The following C1QTNF7 variants were observed in gnomAD, a reference collection of about 807,000 sequenced individuals.
The protein encoded by C1QTNF7 is complement C1q tumor necrosis factor-related protein 7.
In C1QTNF7, 15 loss-of-function variants were observed where a neutral mutation model predicts 19.6. The ratio of observed to expected loss-of-function variants is 0.76; its 90% CI spans 0.51 to 1.18. The LOEUF is 1.18. Ranked by LOEUF, C1QTNF7 falls within the 50% of genes most tolerant of loss-of-function variation. The probability of loss-of-function intolerance (pLI) is 0.00; values close to 1 mark genes in which losing one functional copy is unlikely to be tolerated. For missense variants in C1QTNF7, 324 were observed against 359.7 expected, an observed-to-expected ratio of 0.90 and a Z score of 0.80; for synonymous variants, 142 against 137.5, an observed-to-expected ratio of 1.03 and a Z score of -0.23.
intron 1 of C1QTNF7, among the ~76,000 whole-genome samples, chr4:15,420,604 T>A (rs1200936110): frequency 6.6e-6 from 1 of 152,206 alleles, no homozygotes; most frequent in East Asian, 1.9e-4. Flanking sequence ...CATTTGGATA[T>A]TTTTAAAATT....
chr4:15,361,800 C>T (rs984793498), intron 1 of C1QTNF7, among the ~76,000 whole-genome samples: 3 of 152,156 alleles, frequency 2.0e-5, no homozygotes, highest in Non-Finnish European at 4.4e-5. Flanking sequence ...AGAGGCATTG[C>T]TATGTATGAG....
intron 1 of C1QTNF7, among the ~76,000 whole-genome samples, chr4:15,434,043 T>C (rs1000248594): frequency 2.0e-5 from 3 of 152,212 alleles, no homozygotes; most frequent in Non-Finnish European, 4.4e-5. Flanking sequence ...TTGAATGCAC[T>C]GGGCTTGTCA....
chr4:15,393,126 A>G (rs1464846462), intron 1 of C1QTNF7, among the ~76,000 whole-genome samples: 1 of 152,186 alleles, frequency 6.6e-6, no homozygotes, highest in Non-Finnish European at 1.5e-5. Flanking sequence ...TGGTTTTATA[A>G]GGGGAAATCT....
upstream of C1QTNF7, among the ~76,000 whole-genome samples, chr4:15,424,343 A>G (rs972557583): frequency 6.6e-6 from 1 of 152,200 alleles, no homozygotes; most frequent in Non-Finnish European, 1.5e-5. Context: ...TAGAATAATC[A>G]GGAAAAAAGT....
At chr4:15,388,792 CA>C (rs1718442647) in intron 1 of C1QTNF7, among the ~76,000 whole-genome samples, 1 of 152,138 alleles carries the variant, frequency 6.6e-6, no homozygotes, top group Non-Finnish European at 1.5e-5. Context: ...GAGAAAGTGA[CA>C]GGGGATCAGG....
intron 1 of C1QTNF7, among the ~76,000 whole-genome samples, chr4:15,398,677 G>A (rs986318671): frequency 4.7e-4 from 71 of 152,336 alleles, no homozygotes; most frequent in African/African-American, 1.7e-3. Flanking sequence ...AATCTGTAGG[G>A]TCTGCAGCAA....
At chr4:15,430,998 G>C (rs1712278335) in intron 1 of C1QTNF7, among the ~76,000 whole-genome samples, 1 of 151,820 alleles carries the variant, frequency 6.6e-6, no homozygotes, top group Non-Finnish European at 1.5e-5. Context: ...GACAAACTGG[G>C]GGAAATTATT....
At chr4:15,352,916 C>T (rs1483206288) in intron 1 of C1QTNF7, among the ~76,000 whole-genome samples, 1 of 152,160 alleles carries the variant, frequency 6.6e-6, no homozygotes, top group Non-Finnish European at 1.5e-5. Flanking sequence ...GATTAGTGTC[C>T]ATTTGCAAGC....
At chr4:15,353,094 G>A (rs182531618) in intron 1 of C1QTNF7, among the ~76,000 whole-genome samples, 1 of 152,270 alleles carries the variant, frequency 6.6e-6, no homozygotes. Flanking sequence ...GCAGACTGTA[G>A]TTATTAGAAT....
intron 1 of C1QTNF7, among the ~76,000 whole-genome samples, chr4:15,413,508 A>C (rs1220016631): frequency 6.6e-6 from 1 of 152,216 alleles, no homozygotes; most frequent in South Asian, 2.1e-4. Context: ...CAATGAGTCC[A>C]AGTTAATGCA....
intron 1 of C1QTNF7, among the ~76,000 whole-genome samples, chr4:15,395,487 T>G (rs1273963793): frequency 6.6e-6 from 1 of 152,166 alleles, no homozygotes; most frequent in East Asian, 1.9e-4. Flanking sequence ...TTAATACAAC[T>G]GGCCCTGTGA....
At position 15,420,978 on chromosome 4, in the gene C1QTNF7, G is replaced by C. The variant is rs955162106; in HGVS notation, c.14-14758G>C. On this transcript the variant is annotated intron_variant, in intron 1 of 2. Transcript: ENST00000295297. ...GTTTTGGCTGGAAGTGAATATGTAT[G>C]CAAGAGGCACCACCTGCCGCTAAAT... Among the ~76,000 whole-genome samples the C allele has an allele frequency of 4.7e-4, 72 of 151,832 alleles. 1 individual carries two copies. Among genetic ancestry groups the C allele is most frequent in the African/African-American group, 1.7e-3 (70 of 41,402 alleles).
chr4:15,377,552 G>A (rs1264759127), intron 1 of C1QTNF7, among the ~76,000 whole-genome samples: 1 of 152,194 alleles, frequency 6.6e-6, no homozygotes, highest in Non-Finnish European at 1.5e-5. Context: ...AGTATTTGCT[G>A]TGTTGAATAT....
chr4:15,407,121 A>C (rs2108912343), intron 1 of C1QTNF7, among the ~76,000 whole-genome samples: 1 of 152,246 alleles, frequency 6.6e-6, no homozygotes. Context: ...TTTCAAGCAC[A>C]TGTAAATGTT....
rs771066545 is a variant in C1QTNF7, at chr4:15,340,872, G to A, written c.13+665G>A. Among the ~76,000 whole-genome samples the A allele has an allele frequency of 3.8e-4, 58 of 152,128 alleles. 1 individual carries two copies. Among genetic ancestry groups the A allele is most frequent in the Non-Finnish European group, 5.3e-4 (36 of 68,034 alleles). On this transcript the variant is annotated intron_variant, in intron 1 of 2. Transcript: ENST00000295297. The stretch of plus-strand genomic sequence containing the variant: ...CTAAATAGGGTGACTTTGCCTTCTC[G>A]ATTGTGCCTCATACACAGGTAGGGA...
At chr4:15,362,659 T>G (rs6836057) in intron 1 of C1QTNF7, 71,142 of 152,030 alleles carry the variant, frequency 0.47, 17,950 homozygotes, top group African/African-American at 0.65. Flanking sequence ...AAACGTGTGA[T>G]TATGACATGA....
upstream of C1QTNF7, among the ~76,000 whole-genome samples, chr4:15,423,643 T>C (rs114513345): frequency 1.6e-3 from 249 of 152,310 alleles, no homozygotes; most frequent in African/African-American, 5.7e-3. Context: ...AAACCTCCCG[T>C]GGCCAACAGA....
At chr4:15,380,850 G>A (rs10011494) in intron 1 of C1QTNF7, among the ~76,000 whole-genome samples, 72,903 of 151,190 alleles carry the variant, frequency 0.48, 19,140 homozygotes, top group African/African-American at 0.69. Context: ...CAGGAGAATC[G>A]CTTGAACCTG....
rs28760517 is a variant in C1QTNF7, at chr4:15,369,792, T to C, written c.13+29585T>C. ...GTCAGTGATATTTCAGTTGAATACA[T>C]TAATGAAGATAATGGAAGGTAAGCA... On this transcript the variant is annotated intron_variant, in intron 1 of 2. Coordinates refer to the C1QTNF7 transcript ENST00000295297. 5.0e-3 allele frequency among the ~76,000 whole-genome samples: 766 copies of C among 152,304 alleles called. 7 individuals carry two copies. The highest frequency in any genetic ancestry group is 0.018 in the African/African-American group (742 of 41,564).
Sources: allele counts gnomAD v4.1 joint callset (sites outside exome capture counted in the v4.1 genomes callset), GRCh38; gene constraint gnomAD v4.1.1; transcripts MANE v1.5; gene names NCBI Gene and HGNC (gene_info 2026-07-23, HGNC 2026-07-21).